EFHC2: variants seen among roughly 807,000 people sequenced by gnomAD.
The protein encoded by EFHC2 is EF-hand domain-containing family member C2.
In EFHC2, 18 loss-of-function variants were observed where a neutral mutation model predicts 52.7. The ratio of observed to expected loss-of-function variants is 0.34; its 90% CI spans 0.24 to 0.51. The LOEUF (loss-of-function observed/expected upper bound fraction) is 0.51. EFHC2 is among the 20% of genes least tolerant of loss of function. The pLI is 0.97. For synonymous variants in EFHC2, 203 were observed against 204.1 expected (o/e 0.99, Z 0.04); for missense variants, 513 against 562.5 (o/e 0.91, Z 0.89).
intron 1 of EFHC2, among the ~76,000 whole-genome samples, chrX:44,316,283 C>T (rs1187578130): frequency 8.9e-6 from 1 of 111,851 alleles, no homozygotes; most frequent in Non-Finnish European, 1.9e-5. Context: ...CTCTCCCCAC[C>T]AAGGGTCAGC....
chrX:44,316,664 G>A (rs1251786814), intron 1 of EFHC2, among the ~76,000 whole-genome samples: 1 of 109,873 alleles, frequency 9.1e-6, no homozygotes, highest in African/African-American at 3.4e-5. Context: ...AGACCACCCT[G>A]GGCAATAGAG....
At chrX:44,265,423 C>A (rs2037569361) in intron 3 of EFHC2, among the ~76,000 whole-genome samples, 1 of 111,058 alleles carries the variant, frequency 9.0e-6, no homozygotes, top group South Asian at 3.8e-4. Flanking sequence ...CGGGCATGGC[C>A]ACCACGCCTG....
At chrX:44,170,792 G>A (rs2036739257) in intron 13 of EFHC2, among the ~76,000 whole-genome samples, 1 of 111,602 alleles carries the variant, frequency 9.0e-6, no homozygotes, top group Admixed American at 9.4e-5. Flanking sequence ...ATGGTCAAAG[G>A]ACAAAGATTT....
intron 4 of EFHC2, among the ~76,000 whole-genome samples, chrX:44,253,749 C>G (rs1390257673): frequency 8.9e-6 from 1 of 112,199 alleles, no homozygotes; most frequent in African/African-American, 3.2e-5. Flanking sequence ...CAGCAGACCT[C>G]CCAGCACAGT....
intron 11 of EFHC2, among the ~76,000 whole-genome samples, chrX:44,212,400 G>C (rs1383297393): frequency 1.8e-5 from 2 of 111,121 alleles, no homozygotes; most frequent in African/African-American, 6.6e-5. Context: ...GAGTAGCAAA[G>C]TAACCACGAG....
chrX:44,224,109 T>G (rs896682512), intron 11 of EFHC2, among the ~76,000 whole-genome samples: 1 of 112,185 alleles, frequency 8.9e-6, no homozygotes, highest in Non-Finnish European at 1.9e-5. Context: ...ATTTTCCATC[T>G]TCAAGGCCTA....
At chrX:44,309,551 C>A in intron 2 of EFHC2, 1 of 1,193,679 alleles carries the variant, frequency 8.4e-7, no homozygotes, top group Non-Finnish European at 1.1e-6. Context: ...ATGAGCTTCA[C>A]AGGCAAGGCC....
chrX:44,299,275 T>A (rs58470357), intron 2 of EFHC2, among the ~76,000 whole-genome samples: 2,598 of 111,398 alleles, frequency 0.023, 86 homozygotes, highest in African/African-American at 0.08. Context: ...AACCAGACAT[T>A]CCTTATTATA....
chrX:44,292,124 T>TTA lies in EFHC2; in HGVS notation c.232-19290_232-19289dup, dbSNP rs762579821. Among the ~76,000 whole-genome samples the TTA allele has an allele frequency of 1.2e-3, 137 of 111,421 alleles. 1 individual carries two copies. Among genetic ancestry groups the TTA allele is most frequent in the African/African-American group, 4.2e-3 (128 of 30,714 alleles). On this transcript the variant is annotated intron_variant, in intron 2 of 14. Coordinates refer to ENST00000420999, the MANE Select transcript of EFHC2 (RefSeq NM_025184.4). Reference sequence around the variant, plus strand: ...AGAAAAACACCTACCATATAAAAAATTATATATATGTGTGTTTTTTTGTGT... The same window carrying TTA: ...AGAAAAACACCTACCATATAAAAAATTATATATATATGTGTGTTTTTTTGTGT...
intron 1 of EFHC2, among the ~76,000 whole-genome samples, chrX:44,322,488 A>G (rs957878459): frequency 5.4e-5 from 6 of 111,958 alleles, no homozygotes; most frequent in African/African-American, 1.6e-4. Flanking sequence ...AATGGAGAGC[A>G]GCACCAGGGA....
At chrX:44,203,383 G>T (rs2037021381) in intron 11 of EFHC2, among the ~76,000 whole-genome samples, 1 of 111,005 alleles carries the variant, frequency 9.0e-6, no homozygotes, top group East Asian at 2.9e-4. Flanking sequence ...TGGACTGTGG[G>T]AATAGGCTCT....
chrX:44,187,503 A>G (rs757875701), intron 11 of EFHC2, among the ~76,000 whole-genome samples: 3 of 110,421 alleles, frequency 2.7e-5, no homozygotes, highest in African/African-American at 1.0e-4. Flanking sequence ...ATCTATATGC[A>G]TAAACATTTG....
intron 8 of EFHC2, among the ~76,000 whole-genome samples, chrX:44,241,331 A>T (rs1349110570): frequency 8.9e-6 from 1 of 112,175 alleles, no homozygotes; most frequent in African/African-American, 3.2e-5. Flanking sequence ...GTTTTTCTCC[A>T]TGTCTATTAG....
intron 11 of EFHC2, among the ~76,000 whole-genome samples, chrX:44,191,849 C>T (rs999130885): frequency 5.4e-5 from 6 of 111,408 alleles, no homozygotes; most frequent in African/African-American, 2.0e-4. Context: ...TATCTTAAAC[C>T]TATATATACC....
At chrX:44,310,375 C>A (rs1174524907) in intron 2 of EFHC2, 50 of 938,931 alleles carry the variant, frequency 5.3e-5, no homozygotes, top group Non-Finnish European at 7.2e-5. Context: ...TCAGGGCCGG[C>A]GGCCTGTTCA....
At chrX:44,284,745 T>C (rs1308578823) in intron 2 of EFHC2, 1 of 112,233 alleles carries the variant, frequency 8.9e-6, no homozygotes, top group Non-Finnish European at 1.9e-5. Context: ...TCAAATTTTC[T>C]GGATGACTAT....
chrX:44,195,779 C>G (rs903605610), intron 11 of EFHC2, among the ~76,000 whole-genome samples: 1 of 102,406 alleles, frequency 9.8e-6, no homozygotes, highest in Non-Finnish European at 2.1e-5. Flanking sequence ...GAGACCACCA[C>G]TCACCTACCA....
chrX:44,213,531 A>C (rs959120446), intron 11 of EFHC2, among the ~76,000 whole-genome samples: 5 of 112,007 alleles, frequency 4.5e-5, no homozygotes, highest in Non-Finnish European at 7.5e-5. Flanking sequence ...GGACAACTCA[A>C]AGGGCGAGGG....
At chrX:44,190,643 T>C (rs897926919) in intron 11 of EFHC2, among the ~76,000 whole-genome samples, 5 of 111,067 alleles carry the variant, frequency 4.5e-5, no homozygotes, top group Admixed American at 2.9e-4. Context: ...ATCCTAAATA[T>C]AGCAGGTTCT....
Sources: gnomAD v4.1 joint callset for allele counts (sites outside exome capture counted in the v4.1 genomes callset) on GRCh38, gnomAD v4.1.1 for gene constraint, MANE v1.5 for transcripts, NCBI Gene and HGNC (gene_info 2026-07-23, HGNC 2026-07-21) for gene names.